GDE1: variants seen among roughly 807,000 people sequenced by gnomAD.
GDE1 encodes the protein RGS16-interacting membrane protein.
In GDE1, 24 loss-of-function variants were observed where a neutral mutation model predicts 32.2. That is an observed-to-expected ratio of 0.75 (90% confidence interval 0.54 to 1.05). The LOEUF (loss-of-function observed/expected upper bound fraction) is 1.05, where lower values mean the gene tolerates loss of function less well. Ranked by LOEUF, GDE1 falls within the 50% of genes least tolerant of loss-of-function variation. The pLI is 0.00. For synonymous variants in GDE1, 159 were observed against 158.6 expected (o/e 1.00, Z -0.02); for missense variants, 380 against 415.0 (o/e 0.92, Z 0.73).
chr16:19,520,632 C>G (rs770148936), intron 1 of GDE1, among the ~76,000 whole-genome samples: 6 of 149,500 alleles, frequency 4.0e-5, no homozygotes, highest in African/African-American at 7.4e-5. Flanking sequence ...GGCTGAGGCA[C>G]GAGAATCGCT....
At chr16:19,510,078 C>A (rs1969298442) in intron 3 of GDE1, among the ~76,000 whole-genome samples, 1 of 152,014 alleles carries the variant, frequency 6.6e-6, no homozygotes, top group South Asian at 2.1e-4. Context: ...GGGAAAAATA[C>A]TCAAGTTGCC....
intron 3 of GDE1, among the ~76,000 whole-genome samples, chr16:19,508,459 G>A (rs183354800): frequency 5.3e-5 from 8 of 152,280 alleles, no homozygotes; most frequent in African/African-American, 1.4e-4. Context: ...CATGTGGGAC[G>A]CAATGCTGCT....
rs368007979 is a variant in GDE1 at position 19,521,776 on chromosome 16, G to C, written c.189C>G (p.Asp63Glu). 18 of 1,611,942 alleles carry C rather than the reference G, an allele frequency of 1.1e-5. 2 individuals are homozygous for C. In the Admixed American group the frequency reaches 1.5e-4, roughly 13 times the overall value. The part of the protein sequence containing the change: ...CRALQVLKPR[D>E]RISAIAHRGG... Reference sequence around the variant, plus strand: ...CACGGTGGGCGATGGCAGAAATGCGGTCCCGGGGCTTGAGCACCTGCAGGG... The same window carrying C: ...CACGGTGGGCGATGGCAGAAATGCGCTCCCGGGGCTTGAGCACCTGCAGGG... The change falls in exon 1 of 6, where the codon GAC becomes GAG. Residue 63 changes from aspartate to glutamate, a missense_variant. By Grantham distance (45) the Asp-to-Glu change is conservative. Coordinates refer to ENST00000353258, the MANE Select transcript of GDE1 (RefSeq NM_016641.4).
rs374108871 is a variant in GDE1 at position 19,502,508 on chromosome 16, C to A, written c.*962G>T. The stretch of plus-strand genomic sequence containing the variant: ...GCTCAAGTGATCCTCCCACCTCAAC[C>A]TCCTGAGTAGCTGGGAATACAGGCA... On this transcript the variant is annotated 3_prime_UTR_variant, in exon 6 of 6. Coordinates refer to ENST00000353258, the MANE Select transcript of GDE1 (RefSeq NM_016641.4). 2.6e-5 allele frequency: 4 copies of A among 151,186 alleles called. No homozygotes were observed. Among genetic ancestry groups the A allele is most frequent in the African/African-American group, 4.9e-5 (2 of 41,024 alleles). The allele number at this position is 151,186 out of a possible 1,614,324, so 9.4% of individuals were successfully genotyped here. A position where few individuals can be genotyped will look rare whatever the true frequency, so the allele number is the denominator to read the frequency against.
chr16:19,514,148 T>C (rs1350459635), intron 2 of GDE1, among the ~76,000 whole-genome samples: 1 of 152,310 alleles, frequency 6.6e-6, no homozygotes, highest in East Asian at 1.9e-4. Flanking sequence ...ACACTAGCTA[T>C]AAATTGGGGT....
In GDE1 at chr16:19,505,020, C is replaced by T. The variant is rs752254773; in HGVS notation, c.709G>A (p.Gly237Arg). The stretch of plus-strand genomic sequence containing the variant: ...CAGAAAGTATCATAGCGTGGTTTCC[C>T]ATCTCCTGTATGGCTTAGGCTCCAA... ...RPWSLSHTGD[G>R]KPRYDTFWKH... The change falls in exon 5 of 6, where the codon GGG becomes AGG. Residue 237 changes from glycine (G) to arginine (R), a missense_variant. Physicochemically the swap from Gly to Arg is moderately radical, Grantham distance 125. Transcript: ENST00000353258. 1.2e-6 allele frequency: 2 copies of T among 1,613,124 alleles called. No individual in the cohort carries two copies. Among genetic ancestry groups the T allele is most frequent in the Non-Finnish European group, 1.7e-6 (2 of 1,179,098 alleles).
chr16:19,515,873 T>G (rs944639115), intron 2 of GDE1, among the ~76,000 whole-genome samples: 1 of 152,074 alleles, frequency 6.6e-6, no homozygotes, highest in African/African-American at 2.4e-5. Context: ...CACACCCTTT[T>G]CAGTACTGCA....
intron 2 of GDE1, among the ~76,000 whole-genome samples, chr16:19,512,112 G>A (rs1969325649): frequency 6.6e-6 from 1 of 152,028 alleles, no homozygotes; most frequent in African/African-American, 2.4e-5. Flanking sequence ...TTGTATGGTA[G>A]TTCTATATTT....
At position 19,504,925 on chromosome 16, in the gene GDE1, C is replaced by G. The variant is rs1233057804; in HGVS notation, c.804G>C (p.Leu268=). 3 of 1,613,386 alleles carry G rather than the reference C, an allele frequency of 1.9e-6. No homozygotes were observed. Among genetic ancestry groups the G allele is most frequent in the Non-Finnish European group, 2.5e-6 (3 of 1,179,612 alleles). The change falls in exon 5 of 6, where the codon CTG becomes CTC. Residue 268 remains leucine, a synonymous_variant. Transcript: ENST00000353258. ...GCATGAGGAAAGCTGAAATTCCACA[C>G]AGGTACCACAAGATATTATGCATGC... is the stretch of plus-strand genomic sequence containing the variant. ...DWSMHNILWY[L]CGISAFLMQK... is the part of the protein sequence containing the mutation.
At chr16:19,512,081 C>T (rs1295694202) in intron 2 of GDE1, among the ~76,000 whole-genome samples, 1 of 152,006 alleles carries the variant, frequency 6.6e-6, no homozygotes, top group East Asian at 1.9e-4. Flanking sequence ...TGGATAGATA[C>T]CAACTAGTGG....
In GDE1 at chr16:19,503,486, C is replaced by T. The variant is rs1858412807; in HGVS notation, c.980G>A (p.Cys327Tyr). Residue 327 changes from cysteine to tyrosine, a missense_variant, in exon 6 of 6, where the codon TGC becomes TAC. Coordinates refer to ENST00000353258, the MANE Select transcript of GDE1 (RefSeq NM_016641.4). ...CGTGAAAGTCTAGAAGTGAGGTTCGCAGTCTTCTACCATGCTGTCAGTGAT... is the reference window on the plus strand; with the variant it reads ...CGTGAAAGTCTAGAAGTGAGGTTCGTAGTCTTCTACCATGCTGTCAGTGAT... Reference protein sequence around the residue: ...SYITDSMVEDCEPHF With the variant: ...SYITDSMVEDYEPHF 5.0e-6 allele frequency: 8 copies of T among 1,613,760 alleles called. No individual in the cohort carries two copies. The highest frequency in any genetic ancestry group is 6.8e-6 in the Non-Finnish European group (8 of 1,179,842).
intron 2 of GDE1, among the ~76,000 whole-genome samples, chr16:19,515,263 A>C (rs1969366943): frequency 6.6e-6 from 1 of 152,134 alleles, no homozygotes; most frequent in African/African-American, 2.4e-5. Flanking sequence ...TAGAGAAAAT[A>C]TCTATTTTTT....
rs930738800 is a variant in GDE1, at chr16:19,502,294, T to C, written c.*1176A>G. 1 of 151,868 alleles carries C rather than the reference T, an allele frequency of 6.6e-6. No homozygotes were observed. Among genetic ancestry groups the C allele is most frequent in the African/African-American group, 2.4e-5 (1 of 41,344 alleles). The allele number at this position is 151,868 out of a possible 1,614,324, so 9.4% of individuals were successfully genotyped here. ...CACCTCCATAAGACTTTTGTATGGA[T>C]TGAGTAAGATAATGCATGTTAAACC... On this transcript the variant is annotated 3_prime_UTR_variant, in exon 6 of 6. Transcript: ENST00000353258.
At chr16:19,511,005 C>T (rs768471234) in intron 2 of GDE1, 61 bp from the exon 3 acceptor site, 140 of 801,102 alleles carry the variant, frequency 1.7e-4, no homozygotes, top group Non-Finnish European at 2.7e-4. Context: ...TGTATTGCAA[C>T]AAACATTTTG....
At chr16:19,504,265 G>C (rs888553890) in intron 5 of GDE1, 2 of 153,220 alleles carry the variant, frequency 1.3e-5, no homozygotes, top group African/African-American at 4.8e-5. Flanking sequence ...AACGTCACGA[G>C]GGCAGAGATC....
At chr16:19,515,623 T>G (rs184777471) in intron 2 of GDE1, among the ~76,000 whole-genome samples, 5 of 152,306 alleles carry the variant, frequency 3.3e-5, no homozygotes, top group Admixed American at 2.6e-4. Context: ...CAATACAGTA[T>G]CTGATGACAC....
chr16:19,506,522 T>C (rs1597231743), intron 4 of GDE1, among the ~76,000 whole-genome samples: 1 of 152,056 alleles, frequency 6.6e-6, no homozygotes, highest in East Asian at 1.9e-4. Context: ...CATGGTGGTG[T>C]GTGCTTGTAA....
At chr16:19,517,305 C>A in intron 1 of GDE1, 116 bp from the exon 2 acceptor site, 1 of 753,100 alleles carries the variant, frequency 1.3e-6, no homozygotes, top group East Asian at 2.6e-5. Flanking sequence ...ATTCATTTTC[C>A]TTCCACTTCC....
intron 2 of GDE1, among the ~76,000 whole-genome samples, chr16:19,515,884 A>G (rs1038973420): frequency 1.3e-5 from 2 of 152,132 alleles, no homozygotes; most frequent in Non-Finnish European, 2.9e-5. Flanking sequence ...CAGTACTGCA[A>G]AGATGACAAG....
Sources: gnomAD v4.1 joint callset for allele counts (sites outside exome capture counted in the v4.1 genomes callset) on GRCh38, gnomAD v4.1.1 for gene constraint, MANE v1.5 for transcripts, NCBI Gene and HGNC (gene_info 2026-07-23, HGNC 2026-07-21) for gene names.